MGAT4C: variants seen among roughly 807,000 people sequenced by gnomAD.
MGAT4C encodes alpha-1,3-mannosyl-glycoprotein 4-beta-N-acetylglucosaminyltransferase C.
Under a neutral mutation model 40.1 loss-of-function variants are expected in MGAT4C, and 19 were observed. That is an observed-to-expected ratio of 0.47 (90% CI 0.33 to 0.70). MGAT4C has a LOEUF of 0.70. Ranked by LOEUF, MGAT4C falls within the 30% of genes least tolerant of loss-of-function variation. MGAT4C has a pLI of 0.02. For missense variants in MGAT4C, 491 were observed against 563.2 expected (o/e 0.87, Z 1.30); for synonymous variants, 181 against 187.1 (o/e 0.97, Z 0.27).
intron 1 of MGAT4C, among the ~76,000 whole-genome samples, chr12:86,764,410 T>C (rs1487805574): frequency 6.6e-6 from 1 of 152,150 alleles, no homozygotes; most frequent in Non-Finnish European, 1.5e-5. Context: ...CCTGCCGGCC[T>C]CTGTAGGCTC....
intron 2 of MGAT4C, among the ~76,000 whole-genome samples, chr12:86,043,344 T>C (rs751768241): frequency 3.3e-5 from 5 of 152,176 alleles, no homozygotes; most frequent in African/African-American, 4.8e-5. Flanking sequence ...CAGTGCAGCC[T>C]TCAGTCTGTG....
At chr12:86,488,252 C>CA (rs760174330) in intron 2 of MGAT4C, among the ~76,000 whole-genome samples, 13,636 of 93,798 alleles carry the variant, frequency 0.15, 784 homozygotes, top group Middle Eastern at 0.33. Flanking sequence ...TTGTTTTCTA[C>CA]AAAAAAAAAA....
At chr12:86,603,550 T>C (rs1190332570) in intron 2 of MGAT4C, among the ~76,000 whole-genome samples, 1 of 3,730 alleles carries the variant, frequency 2.7e-4, no homozygotes, top group African/African-American at 3.2e-4. Flanking sequence ...AGACTATAGA[T>C]AATATATAGT....
chr12:86,370,217 G>A (rs776456476), intron 3 of MGAT4C, among the ~76,000 whole-genome samples: 1 of 151,904 alleles, frequency 6.6e-6, no homozygotes, highest in Non-Finnish European at 1.5e-5. Flanking sequence ...TCATAATATA[G>A]TGTACTAAAT....
intron 4 of MGAT4C, among the ~76,000 whole-genome samples, chr12:86,294,238 G>T (rs1953604140): frequency 6.6e-6 from 1 of 151,964 alleles, no homozygotes; most frequent in African/African-American, 2.4e-5. Context: ...GGACATGTTT[G>T]GGGGCCTCCT....
At chr12:86,605,651 A>G (rs1321165525) in intron 2 of MGAT4C, among the ~76,000 whole-genome samples, 1 of 152,172 alleles carries the variant, frequency 6.6e-6, no homozygotes, top group Non-Finnish European at 1.5e-5. Context: ...TCCATTCAGG[A>G]AAGCTGAGCA....
chr12:86,674,407 T>C (rs1025687491), intron 2 of MGAT4C, among the ~76,000 whole-genome samples: 1 of 152,126 alleles, frequency 6.6e-6, no homozygotes, highest in East Asian at 1.9e-4. Flanking sequence ...AGTAAATCAA[T>C]ACAGACTTTT....
chr12:86,134,519 T>C, intron 1 of MGAT4C, among the ~76,000 whole-genome samples: 1 of 152,152 alleles, frequency 6.6e-6, no homozygotes, highest in East Asian at 1.9e-4. Flanking sequence ...AATTTAATCA[T>C]GGGTTTCTTG....
At chr12:86,362,971 A>G (rs910483634) in intron 3 of MGAT4C, among the ~76,000 whole-genome samples, 2 of 152,064 alleles carry the variant, frequency 1.3e-5, no homozygotes, top group African/African-American at 4.8e-5. Flanking sequence ...CAATATAAAG[A>G]CCAAAGGGTC....
chr12:86,760,704 G>A (rs1200716013), intron 1 of MGAT4C, among the ~76,000 whole-genome samples: 1 of 152,030 alleles, frequency 6.6e-6, no homozygotes, highest in East Asian at 1.9e-4. Context: ...AAAAGAAAAG[G>A]GGAATTCAAT....
chr12:86,747,515 T>A (rs1467854260), intron 1 of MGAT4C, among the ~76,000 whole-genome samples: 1 of 151,626 alleles, frequency 6.6e-6, no homozygotes, highest in Non-Finnish European at 1.5e-5. Context: ...TAAAATTTTG[T>A]CCTAAATTGG....
intron 2 of MGAT4C, among the ~76,000 whole-genome samples, chr12:86,714,134 A>T (rs1029127973): frequency 2.0e-5 from 3 of 152,176 alleles, no homozygotes; most frequent in African/African-American, 7.2e-5. Context: ...GATAAAGGAC[A>T]TCTATTCCAA....
At chr12:86,771,701 TG>T (rs1951641115) in intron 1 of MGAT4C, among the ~76,000 whole-genome samples, 1 of 80,846 alleles carries the variant, frequency 1.2e-5, no homozygotes, top group Non-Finnish European at 3.4e-5. Flanking sequence ...TGTGTGTGTG[TG>T]TGTGTGTGTG....
chr12:86,136,863 T>G lies in MGAT4C; in HGVS notation c.-56-87140A>C, dbSNP rs887718853. Among the ~76,000 whole-genome samples the G allele has an allele frequency of 7.2e-5, 11 of 152,184 alleles. No individual in the cohort carries two copies. The East Asian group carries it at 1.9e-3, about 27-fold the overall frequency. On this transcript the variant is annotated intron_variant, in intron 1 of 4. Coordinates refer to ENST00000611864, the MANE Select transcript of MGAT4C (RefSeq NM_001351288.2). Reference sequence around the variant, plus strand: ...CTACCACGCCTGGCTAATTTTTGTATTTTTAGTAGAGACGAGGTTTCACCA... The same window carrying G: ...CTACCACGCCTGGCTAATTTTTGTAGTTTTAGTAGAGACGAGGTTTCACCA...
At chr12:86,187,676 G>GA (rs202069269) in intron 1 of MGAT4C, among the ~76,000 whole-genome samples, 12 of 150,648 alleles carry the variant, frequency 8.0e-5, no homozygotes, top group East Asian at 5.8e-4. Context: ...CAAATAAGCA[G>GA]AAAAAAAATG....
In MGAT4C at chr12:86,543,291, ATAT is replaced by A. The variant is rs374136133; in HGVS notation, c.-228-108029_-228-108027del. 5.5e-3 allele frequency among the ~76,000 whole-genome samples: 838 copies of A among 151,534 alleles called. 4 individuals are homozygous for A. The highest frequency in any genetic ancestry group is 0.011 in the Middle Eastern group (3 of 284). ...TTTACATTAATAGTATAATAATCAT[ATAT>A]TATTAATTTTATATACCTTATTGGA... On this transcript the variant is annotated intron_variant, in intron 2 of 7. Coordinates refer to the MGAT4C transcript ENST00000548651.
chr12:86,347,762 A>G (rs989257805), intron 3 of MGAT4C, among the ~76,000 whole-genome samples: 1 of 152,340 alleles, frequency 6.6e-6, no homozygotes, highest in Admixed American at 6.5e-5. Flanking sequence ...GACCATAAGC[A>G]TAGTCCCCAT....
At chr12:86,674,147 GC>G (rs960222552) in intron 2 of MGAT4C, among the ~76,000 whole-genome samples, 7 of 151,974 alleles carry the variant, frequency 4.6e-5, no homozygotes, top group African/African-American at 9.7e-5. Context: ...TGTATAAAAT[GC>G]TAAATATACA....
At chr12:86,525,512 T>C (rs2136365386) in intron 2 of MGAT4C, among the ~76,000 whole-genome samples, 1 of 152,344 alleles carries the variant, frequency 6.6e-6, no homozygotes, top group Non-Finnish European at 1.5e-5. Context: ...AAAAAAGATA[T>C]TCTGACTTTC....
Sources: gnomAD v4.1 joint callset for allele counts (sites outside exome capture counted in the v4.1 genomes callset) on GRCh38, gnomAD v4.1.1 for gene constraint, MANE v1.5 for transcripts, NCBI Gene and HGNC (gene_info 2026-07-23, HGNC 2026-07-21) for gene names.